REL: variants seen among roughly 807,000 people sequenced by gnomAD.
REL encodes REL proto-oncogene, NF-kB subunit, also known as proto-oncogene c-Rel.
In REL, 15 loss-of-function variants were observed where a neutral mutation model predicts 45.9. The ratio of observed to expected loss-of-function variants is 0.33; its 90% CI spans 0.22 to 0.50. The LOEUF (loss-of-function observed/expected upper bound fraction) is 0.50, where lower values mean the gene tolerates loss of function less well. Among genes scored for constraint, REL ranks in the 20% least tolerant of loss-of-function variants. REL has a pLI of 0.98. For synonymous variants in REL, 239 were observed against 242.1 expected (o/e 0.99, Z 0.12); for missense variants, 601 against 715.2 (o/e 0.84, Z 1.82).
At chr2:60,917,471 T>G (rs72887243) in intron 5 of REL, among the ~76,000 whole-genome samples, 2,636 of 152,032 alleles carry the variant, frequency 0.017, 72 homozygotes, top group African/African-American at 0.059. Context: ...TTCTCATTTT[T>G]TCTTTTTGGC....
At position 60,921,808 on chromosome 2, in the gene REL, C is replaced by T. The variant is rs142262056; in HGVS notation, c.1037C>T (p.Thr346Ile). The T allele has an allele frequency of 2.3e-5, 37 of 1,613,820 alleles. No individual in the cohort carries two copies. The highest frequency in any genetic ancestry group is 3.1e-5 in the Non-Finnish European group (37 of 1,179,882). The change falls in exon 10 of 10, where the codon ACA becomes ATA. Residue 346 changes from threonine to isoleucine, a missense_variant. Physicochemically the swap from Thr to Ile is moderately conservative, Grantham distance 89 (BLOSUM62 -1). Around this residue, in one of 4 missense-constraint regions of REL, gnomAD observed 334 missense variants for 333.1 expected, o/e 1.00. Coordinates refer to ENST00000394479, the MANE Select transcript of REL (RefSeq NM_001291746.2). ...GATGCAGTTGTGAGAGAAATGCCTA[C>T]AGGGGTTTCAAGTCAAGCAGAATCC... ...SHDAVVREMP[T>I]GVSSQAESYY...
chr2:60,926,289 A>G lies in REL; in HGVS notation c.*3754A>G. The G allele has an allele frequency of 4.3e-6, 1 of 231,898 alleles. No homozygotes were observed. Among genetic ancestry groups the G allele is most frequent in the Non-Finnish European group, 8.5e-6 (1 of 117,040 alleles). 14.4% of individuals were successfully genotyped at this position (231,898 alleles called of 1,614,324 possible). ...ACCACTTGGATGCATTTGCATCCTG[A>G]CTTCTGAAATGCCTCCAGCCTCCAT... On this transcript the variant is annotated 3_prime_UTR_variant, in exon 10 of 10. Transcript: ENST00000394479.
At chr2:60,889,414 A>C (rs1673151020) in intron 1 of REL, among the ~76,000 whole-genome samples, 1 of 152,178 alleles carries the variant, frequency 6.6e-6, no homozygotes, top group Non-Finnish European at 1.5e-5. Context: ...TAGTATCACT[A>C]AATCATTGTT....
chr2:60,892,387 CTT>C (rs1375690758), intron 2 of REL, among the ~76,000 whole-genome samples: 12 of 152,208 alleles, frequency 7.9e-5, no homozygotes, highest in Middle Eastern at 6.8e-3. Flanking sequence ...CCAAAAATGA[CTT>C]TGGTAAACAT....
At chr2:60,914,903 G>A (rs147318490) in intron 4 of REL, among the ~76,000 whole-genome samples, 134 of 144,976 alleles carry the variant, frequency 9.2e-4, no homozygotes, top group African/African-American at 3.3e-3. Flanking sequence ...GCACAATTTC[G>A]GCTCACTGCA....
At position 60,881,791 on chromosome 2, in the gene REL, CCGGCCAGGACGCTGGGAGCTGCCTG is replaced by C; in HGVS notation, c.-46_-22del. On this transcript the variant is annotated 5_prime_UTR_variant, in exon 1 of 10. Transcript: ENST00000394479. ...CCTGACTGACTGACTGCGGCCGCCT[CCGGCCAGGACGCTGGGAGCTGCCTG>C]CGGGAAGGTGCGGGGAGCGGAGCCA... 1.3e-6 allele frequency: 2 copies of C among 1,526,552 alleles called. No individual in the cohort carries two copies. Among genetic ancestry groups the C allele is most frequent in the Non-Finnish European group, 1.8e-6 (2 of 1,137,704 alleles). The allele number at this position is 1,526,552 out of a possible 1,614,324, so 94.6% of individuals were successfully genotyped here.
At chr2:60,882,760 T>G (rs1672977058) in intron 1 of REL, among the ~76,000 whole-genome samples, 1 of 152,206 alleles carries the variant, frequency 6.6e-6, no homozygotes, top group Non-Finnish European at 1.5e-5. Context: ...TGAATCCCCC[T>G]TCCTCCTCGC....
Position 60,891,870 on chromosome 2 carries a change from A to T in REL, c.153+45A>T, listed in dbSNP as rs62149422. ...TGTCTATCTCACTATTAGTTGCTTC[A>T]TATACTAGCTATAGCAATTATTTTA... On this transcript the variant is annotated intron_variant, in intron 2 of 9. Coordinates refer to ENST00000394479, the MANE Select transcript of REL (RefSeq NM_001291746.2). 14,756 of 1,524,442 alleles carry T rather than the reference A, an allele frequency of 9.7e-3. 108 individuals are homozygous for T. Among genetic ancestry groups the T allele is most frequent in the Non-Finnish European group, 0.011 (12,448 of 1,128,128 alleles). 94.4% of individuals were successfully genotyped at this position (1,524,442 alleles called of 1,614,324 possible).
chr2:60,901,457 C>T (rs896718264), intron 4 of REL, among the ~76,000 whole-genome samples: 1 of 152,140 alleles, frequency 6.6e-6, no homozygotes, highest in Non-Finnish European at 1.5e-5. Flanking sequence ...CCATTGTGCC[C>T]AGCTATTTAT....
chr2:60,929,674 T>TG lies in REL; in HGVS notation c.*7145dup, dbSNP rs1166862307. 1.6e-5 allele frequency: 1 copy of TG among 62,092 alleles called. No homozygotes were observed. The highest frequency in any genetic ancestry group is 6.1e-4 in the East Asian group (1 of 1,632). 3.8% of individuals were successfully genotyped at this position (62,092 alleles called of 1,614,324 possible). ...TATCACACTGGGGACTGTTGTGGGG[T>TG]GGGGGGAGGGGGGAGGGATAGCATT... On this transcript the variant is annotated 3_prime_UTR_variant, in exon 10 of 10. Coordinates refer to ENST00000394479, the MANE Select transcript of REL (RefSeq NM_001291746.2).
At chr2:60,895,272 C>G (rs1310659772) in intron 3 of REL, among the ~76,000 whole-genome samples, 1 of 151,974 alleles carries the variant, frequency 6.6e-6, no homozygotes. Flanking sequence ...CAACCTTCAC[C>G]TCCAGACTCA....
chr2:60,915,847 A>T (rs1673948637), intron 4 of REL, among the ~76,000 whole-genome samples: 1 of 152,234 alleles, frequency 6.6e-6, no homozygotes, highest in Non-Finnish European at 1.5e-5. Flanking sequence ...ATAGAACTGT[A>T]AAATTTTTAA....
intron 5 of REL, among the ~76,000 whole-genome samples, chr2:60,917,231 C>T (rs1268367862): frequency 6.6e-6 from 1 of 152,116 alleles, no homozygotes; most frequent in East Asian, 1.9e-4. Context: ...GTTTCTTCTT[C>T]CTGTATATAC....
chr2:60,926,579 T>C lies in REL; in HGVS notation c.*4044T>C, dbSNP rs1290340034. On this transcript the variant is annotated 3_prime_UTR_variant, in exon 10 of 10. Transcript: ENST00000394479. ...TGACCCCTCCCCTCAGTTGGTGCTA[T>C]TTCCCCCTACCCGCCCTCCGATGAT... 1 of 231,400 alleles carries C rather than the reference T, an allele frequency of 4.3e-6. No homozygotes were observed. The highest frequency in any genetic ancestry group is 8.6e-6 in the Non-Finnish European group (1 of 116,908). 14.3% of individuals were successfully genotyped at this position (231,400 alleles called of 1,614,324 possible). A position where few individuals can be genotyped will look rare whatever the true frequency, so the allele number is the denominator to read the frequency against.
At position 60,923,735 on chromosome 2, in the gene REL, G is replaced by A. The variant is rs1358678055; in HGVS notation, c.*1200G>A. 1.3e-5 allele frequency: 3 copies of A among 233,002 alleles called. No homozygotes were observed. The highest frequency in any genetic ancestry group is 2.2e-5 in the African/African-American group (1 of 45,392). 14.4% of individuals were successfully genotyped at this position (233,002 alleles called of 1,614,324 possible). ...ACCTCTTTTGACCTCTACTATTAAC[G>A]CCCTATTCCAAGCCACCATCATCTC... is the stretch of plus-strand genomic sequence containing the variant. On this transcript the variant is annotated 3_prime_UTR_variant, in exon 10 of 10. Transcript: ENST00000394479.
intron 3 of REL, among the ~76,000 whole-genome samples, chr2:60,897,863 TA>T (rs11300349): frequency 0.45 from 61,713 of 136,226 alleles, 13,766 homozygotes; most frequent in Middle Eastern, 0.55. Context: ...TGTATCTCTT[TA>T]AAAAAAAAAA....
At chr2:60,910,480 AAC>A (rs1195485614) in intron 4 of REL, among the ~76,000 whole-genome samples, 7 of 5,792 alleles carry the variant, frequency 1.2e-3, no homozygotes, top group Admixed American at 6.5e-3. Flanking sequence ...AAAAACAAAA[AAC>A]AAAAAAAAAA....
chr2:60,895,177 GTTAAC>G (rs1238343399), intron 3 of REL, among the ~76,000 whole-genome samples: 1 of 151,484 alleles, frequency 6.6e-6, no homozygotes, highest in Non-Finnish European at 1.5e-5. Context: ...TTCATTTATA[GTTAAC>G]TTATTATTAT....
Position 60,901,065 on chromosome 2 carries a change from G to C in REL, c.376G>C (p.Gly126Arg), listed in dbSNP as rs758724983. 1 of 1,603,712 alleles carries C rather than the reference G, an allele frequency of 6.2e-7. No homozygotes were observed. Among genetic ancestry groups the C allele is most frequent in the Non-Finnish European group, 8.5e-7 (1 of 1,175,682 alleles). ...KEAIITRIKA[G>R]INPFNVPEKQ... ...AGCTATTATTACAAGAATAAAGGCA[G>C]GAATCAATCCATTCAATGGTAAGTA... Residue 126 changes from glycine (G) to arginine (R), a missense_variant, in exon 4 of 10, where the codon GGA (glycine) becomes CGA (arginine). Gly to Arg is a moderately radical substitution (Grantham distance 125). Coordinates refer to ENST00000394479, the MANE Select transcript of REL (RefSeq NM_001291746.2).
Sources: allele counts gnomAD v4.1 joint callset (sites outside exome capture counted in the v4.1 genomes callset), GRCh38; gene constraint gnomAD v4.1.1; regional missense constraint gnomAD v4.1.1; transcripts MANE v1.5; gene names NCBI Gene and HGNC (gene_info 2026-07-23, HGNC 2026-07-21).